Variants in ADGRB2 observed in about 807,000 individuals in gnomAD.
ADGRB2 encodes adhesion G protein-coupled receptor B2.
Under a neutral mutation model 178.7 loss-of-function variants are expected in ADGRB2, and 47 were observed. The observed-to-expected ratio is 0.26, with a 90% CI of 0.21 to 0.34. The LOEUF (loss-of-function observed/expected upper bound fraction) is 0.34, where lower values mean the gene tolerates loss of function less well. Among genes scored for constraint, ADGRB2 ranks in the 10% least tolerant of loss-of-function variants. ADGRB2 has a pLI of 1.00. For synonymous variants in ADGRB2, 870 were observed against 912.4 expected (o/e 0.95, Z 0.84); for missense variants, 1,584 against 2,180.8 (o/e 0.73, Z 5.45).
chr1:31,732,271 A>C, intron 27 of ADGRB2, 117 bp from the exon 28 acceptor site: 1 of 1,435,256 alleles, frequency 7.0e-7, no homozygotes, highest in Non-Finnish European at 9.7e-7. Flanking sequence ...AGGGCTGCCC[A>C]TGGCCCATAG....
chr1:31,756,129 G>A lies in ADGRB2; in HGVS notation c.708C>T (p.Thr236=). The change falls in exon 4 of 33, where the codon ACC becomes ACT. Residue 236 remains threonine (T), a synonymous_variant. Coordinates refer to ENST00000373658, the MANE Select transcript of ADGRB2 (RefSeq NM_001364857.2). This position sits in a 1 kb window ranked among gnomAD's most constrained non-coding sequence, Gnocchi z 8.5. ...GGGCAGCAGGAGGGCCTGGAGATGT[G>A]GTGGTGGTGGAGCCGGCCCCCGCCT... is the stretch of plus-strand genomic sequence containing the variant. ...PGEAGAGSTT[T]TSPGPPAAHT... 10 of 1,613,562 alleles carry A rather than the reference G, an allele frequency of 6.2e-6. No individual in the cohort carries two copies. The highest frequency in any genetic ancestry group is 7.6e-6 in the Non-Finnish European group (9 of 1,179,890).
rs547583967 is a variant in ADGRB2, at chr1:31,758,367, C to T, written c.-190-856G>A. On this transcript the variant is annotated intron_variant, in intron 1 of 32. Coordinates refer to ENST00000373658, the MANE Select transcript of ADGRB2 (RefSeq NM_001364857.2). This position sits in a 1 kb window ranked among gnomAD's most constrained non-coding sequence, Gnocchi z 4.2. Reference sequence around the variant, plus strand: ...CTGCTCCTTCCCTAGGCTTGCTGCTCAGGCTTCAGGCCAGATGGACCAGCT... The same window carrying T: ...CTGCTCCTTCCCTAGGCTTGCTGCTTAGGCTTCAGGCCAGATGGACCAGCT... 4.0e-4 allele frequency among the ~76,000 whole-genome samples: 61 copies of T among 152,336 alleles called. 1 individual carries two copies. Among genetic ancestry groups the T allele is most frequent in the South Asian group, 1.5e-3 (7 of 4,824 alleles).
intron 25 of ADGRB2, among the ~76,000 whole-genome samples, chr1:31,734,382 G>C (rs959352081): frequency 6.6e-6 from 1 of 152,210 alleles, no homozygotes; most frequent in Admixed American, 6.5e-5. Flanking sequence ...CAGCTTGACC[G>C]ACTCCAAAGC....
At chr1:31,737,364 G>A (rs1040584845) in intron 20 of ADGRB2, 65 bp downstream of exon 20, 1 of 1,442,886 alleles carries the variant, frequency 6.9e-7, no homozygotes, top group African/African-American at 1.4e-5. Flanking sequence ...CACACACACT[G>A]CGCTCTCCAC....
chr1:31,736,019 G>T, intron 22 of ADGRB2, 126 bp from the exon 23 acceptor site: 1 of 1,059,556 alleles, frequency 9.4e-7, no homozygotes, highest in Non-Finnish European at 1.3e-6. Flanking sequence ...CCCAGACGGT[G>T]AGAGTGAGCC....
rs1050994999 is a variant in ADGRB2 at position 31,753,289 on chromosome 1, A to G, written c.838+2710T>C. 1.3e-5 allele frequency among the ~76,000 whole-genome samples: 2 copies of G among 152,166 alleles called. No individual in the cohort carries two copies. Among genetic ancestry groups the G allele is most frequent in the African/African-American group, 2.4e-5 (1 of 41,430 alleles). ...CAGATTGCGGCAGCAAGATGGCACA[A>G]ATTTATGGCTCAACTCACCAAAAAT... On this transcript the variant is annotated intron_variant, in intron 4 of 32. Transcript: ENST00000373658. The surrounding 1 kb of genome is among the most constrained non-coding windows in gnomAD (Gnocchi z 4.1).
rs1646866478 is a variant in ADGRB2 at position 31,756,927 on chromosome 1, AG to A, written c.22-113del. 6.7e-6 allele frequency: 8 copies of A among 1,194,674 alleles called. No individual in the cohort carries two copies. Among genetic ancestry groups the A allele is most frequent in the Non-Finnish European group, 9.2e-6 (8 of 868,474 alleles). 74.0% of individuals were successfully genotyped at this position (1,194,674 alleles called of 1,614,324 possible). On this transcript the variant is annotated intron_variant, in intron 3 of 32. Transcript: ENST00000373658. The surrounding 1 kb of genome is among the most constrained non-coding windows in gnomAD (Gnocchi z 8.5). ...CATAAGTTAAGACCCTGGTCTTTGA[AG>A]TGTCACCTGGGTCCACCTGTGTGAA...
Position 31,728,865 on chromosome 1 carries a change from G to A in ADGRB2, c.4381-232C>T, listed in dbSNP as rs531875681. 3.2e-4 allele frequency among the ~76,000 whole-genome samples: 43 copies of A among 134,986 alleles called. No homozygotes were observed. Among genetic ancestry groups the A allele is most frequent in the Admixed American group, 2.3e-3 (30 of 12,982 alleles). 88.6% of individuals were successfully genotyped at this position (134,986 alleles called of 152,430 possible). A position where few individuals can be genotyped will look rare whatever the true frequency, so the allele number is the denominator to read the frequency against. ...ACACACACGTCAAATGGCATGGTGC[G>A]GACTTCCAACATGACAGGCCCAGAT... On this transcript the variant is annotated intron_variant, in intron 29 of 32. Transcript: ENST00000373658. This position sits in a 1 kb window ranked among gnomAD's most constrained non-coding sequence, Gnocchi z 6.7.
intron 29 of ADGRB2, among the ~76,000 whole-genome samples, 169 bp downstream of exon 29, chr1:31,730,629 TCA>T (rs1417516290): frequency 1.3e-5 from 2 of 152,210 alleles, no homozygotes; most frequent in Non-Finnish European, 2.9e-5. Flanking sequence ...TCTGAAGGAT[TCA>T]CAGACACCAC....
rs1553194187 is a variant in ADGRB2, at chr1:31,764,122, C to CGCCGCCTCCTT, written c.-440_-430dup. On this transcript the variant is annotated 5_prime_UTR_variant, in exon 1 of 33. Transcript: ENST00000373658. This position sits in a 1 kb window ranked among gnomAD's most constrained non-coding sequence, Gnocchi z 7.3. ...CGCGGGCTCCTGCCGCCGCCGCCGCCGCCGCCTCCTTGCCGCGCCGCCCCC... is the reference window on the plus strand; with the variant it reads ...CGCGGGCTCCTGCCGCCGCCGCCGCCGCCGCCTCCTTGCCGCCTCCTTGCCGCGCCGCCCCC... 1 of 907,184 alleles carries CGCCGCCTCCTT rather than the reference C, an allele frequency of 1.1e-6. No homozygotes were observed. The highest frequency in any genetic ancestry group is 1.3e-6 in the Non-Finnish European group (1 of 762,514). The allele number at this position is 907,184 out of a possible 1,614,324, so 56.2% of individuals were successfully genotyped here.
At chr1:31,749,993 AAAGG>A (rs781639573) in intron 4 of ADGRB2, among the ~76,000 whole-genome samples, 16 of 152,104 alleles carry the variant, frequency 1.1e-4, no homozygotes, top group Non-Finnish European at 2.1e-4. Flanking sequence ...AGAAAGAAAG[AAAGG>A]GAGATGTAAC....
Position 31,735,231 on chromosome 1 carries a change from C to A in ADGRB2, c.3404G>T (p.Gly1135Val), listed in dbSNP as rs757771241. The change falls in exon 25 of 33, where the codon GGA becomes GTA. Residue 1135 changes from glycine to valine, a missense_variant. Physicochemically the swap from Gly to Val is moderately radical, Grantham distance 109. This residue lies in a region of ADGRB2 where 865 missense variants were observed against 1,192.8 expected (regional missense o/e 0.73). Transcript: ENST00000373658. This position sits in a 1 kb window ranked among gnomAD's most constrained non-coding sequence, Gnocchi z 6.0. The part of the protein sequence containing the change: ...ASLLLPCSAC[G>V]AVPSPLLSSA... ...GCTGAGCAGGGGGCTGGGGACCGCT[C>A]CACACGCTGAGCAGGGGAGGAGCAG... The A allele has an allele frequency of 6.8e-7, 1 of 1,466,038 alleles. No homozygotes were observed. The highest frequency in any genetic ancestry group is 9.1e-7 in the Non-Finnish European group (1 of 1,102,854). The allele number at this position is 1,466,038 out of a possible 1,614,324, so 90.8% of individuals were successfully genotyped here. A position where few individuals can be genotyped will look rare whatever the true frequency, so the allele number is the denominator to read the frequency against.
rs1327441482 is a variant in ADGRB2 at position 31,753,819 on chromosome 1, G to T, written c.838+2180C>A. ...ACCAGAAAGGTTGGGCAGGAGGGAG[G>T]GGATGGCAGAATAGAAGAGCTTCCT... On this transcript the variant is annotated intron_variant, in intron 4 of 32. Coordinates refer to ENST00000373658, the MANE Select transcript of ADGRB2 (RefSeq NM_001364857.2). The surrounding 1 kb of genome is among the most constrained non-coding windows in gnomAD (Gnocchi z 4.1). Among the ~76,000 whole-genome samples the T allele has an allele frequency of 2.6e-5, 4 of 152,344 alleles. No individual in the cohort carries two copies. The East Asian group carries it at 5.8e-4, about 22-fold the overall frequency.
In ADGRB2 at chr1:31,741,992, G is replaced by A; in HGVS notation, c.1418-25C>T. Reference sequence around the variant, plus strand: ...GCTGTGGGAGAGGTGAGGCATATGAGTGGGCCCAGGTACCCCCATGGTCAG... The same window carrying A: ...GCTGTGGGAGAGGTGAGGCATATGAATGGGCCCAGGTACCCCCATGGTCAG... On this transcript the variant is annotated intron_variant, in intron 8 of 32. Coordinates refer to ENST00000373658, the MANE Select transcript of ADGRB2 (RefSeq NM_001364857.2). The surrounding 1 kb of genome is among the most constrained non-coding windows in gnomAD (Gnocchi z 6.5). 1.9e-6 allele frequency: 3 copies of A among 1,584,110 alleles called. No homozygotes were observed. The highest frequency in any genetic ancestry group is 1.2e-5 in the South Asian group (1 of 86,906).
In ADGRB2 at chr1:31,741,741, T is replaced by A. The variant is rs1360443049; in HGVS notation, c.1586-16A>T. The A allele has an allele frequency of 1.2e-6, 2 of 1,609,134 alleles. No individual in the cohort carries two copies. The highest frequency in any genetic ancestry group is 2.2e-5 in the South Asian group (2 of 90,674). On this transcript the variant is annotated splice_polypyrimidine_tract_variant and intron_variant, in intron 9 of 32. Transcript: ENST00000373658. This position sits in a 1 kb window ranked among gnomAD's most constrained non-coding sequence, Gnocchi z 6.5. ...TCATGGAAGGCTGTGGGTGCAGGGG[T>A]AAGGTTCAGCTGGGTCCACACATGG...
Position 31,736,476 on chromosome 1 carries a change from T to A in ADGRB2, c.3131-86A>T. On this transcript the variant is annotated intron_variant, in intron 21 of 32. Transcript: ENST00000373658. ...CCAGACTCCCATCCCAGCTGACCCC[T>A]GTGCCCAGAGAGCTGGGCCAGGGCC... is the stretch of plus-strand genomic sequence containing the variant. 15 of 1,600,934 alleles carry A rather than the reference T, an allele frequency of 9.4e-6. No homozygotes were observed. In the South Asian group the frequency reaches 1.6e-4, roughly 17 times the overall value.
In ADGRB2 at chr1:31,735,724, G is replaced by T. The variant is rs1235203521; in HGVS notation, c.3268-59C>A. 9.5e-6 allele frequency: 15 copies of T among 1,573,654 alleles called. No individual in the cohort carries two copies. The East Asian group carries it at 2.9e-4, about 31-fold the overall frequency. On this transcript the variant is annotated intron_variant, in intron 23 of 32. Coordinates refer to ENST00000373658, the MANE Select transcript of ADGRB2 (RefSeq NM_001364857.2). This position sits in a 1 kb window ranked among gnomAD's most constrained non-coding sequence, Gnocchi z 6.0. ...GGATCACCAGGTGCCCTCCTGGCAG[G>T]GAAATCCCCATGTGGGAGCTGGAGC... is the stretch of plus-strand genomic sequence containing the variant.
rs762961514 is a variant in ADGRB2, at chr1:31,728,679, T to C, written c.4381-46A>G. 6.2e-7 allele frequency: 1 copy of C among 1,607,556 alleles called. No individual in the cohort carries two copies. Among genetic ancestry groups the C allele is most frequent in the Admixed American group, 1.7e-5 (1 of 59,956 alleles). On this transcript the variant is annotated intron_variant, in intron 29 of 32. Transcript: ENST00000373658. The surrounding 1 kb of genome is among the most constrained non-coding windows in gnomAD (Gnocchi z 6.7). ...GGCAATGGAGGAGAAGAAAGCTTTT[T>C]ACCACCGGCAGGGGCTTTAGAGACA...
chr1:31,737,954 T>C (rs528255818), intron 18 of ADGRB2, among the ~76,000 whole-genome samples, 199 bp from the exon 19 acceptor site: 1 of 152,210 alleles, frequency 6.6e-6, no homozygotes, highest in South Asian at 2.1e-4. Context: ...TGCACTCTTC[T>C]ACACACAACC....
Sources: allele counts gnomAD v4.1 joint callset (sites outside exome capture counted in the v4.1 genomes callset), GRCh38; gene constraint gnomAD v4.1.1; regional missense constraint gnomAD v4.1.1; non-coding constraint Gnocchi (gnomAD v3.1); transcripts MANE v1.5; gene names NCBI Gene and HGNC (gene_info 2026-07-23, HGNC 2026-07-21).